Variants in GRAMD1A observed in about 807,000 individuals in gnomAD.
GRAMD1A encodes the protein GRAM domain containing 1A.
A neutral mutation model predicts 92.0 loss-of-function variants in GRAMD1A; 50 were observed. The observed-to-expected ratio is 0.54, with a 90% CI of 0.43 to 0.69. The LOEUF is 0.69. Ranked by LOEUF, GRAMD1A falls within the 30% of genes least tolerant of loss-of-function variation. The pLI is 0.00. For missense variants in GRAMD1A, 819 were observed against 978.9 expected, an observed-to-expected ratio of 0.84 and a Z score of 2.18; for synonymous variants, 405 against 403.6, an observed-to-expected ratio of 1.00 and a Z score of -0.04.
At chr19:35,009,064 C>T (rs758490576) in intron 1 of GRAMD1A, 55 bp from the exon 2 acceptor site, 30 of 1,236,252 alleles carry the variant, frequency 2.4e-5, no homozygotes, top group African/African-American at 1.3e-4. Context: ...GGCCTGTCCC[C>T]GAATCCCAGC....
At position 35,021,734 on chromosome 19, in the gene GRAMD1A, C is replaced by T. The variant is rs767135726; in HGVS notation, c.1623C>T (p.Gly541=). 35 of 1,613,780 alleles carry T rather than the reference C, an allele frequency of 2.2e-5. No individual in the cohort carries two copies. Among genetic ancestry groups the T allele is most frequent in the Middle Eastern group, 1.6e-4 (1 of 6,084 alleles). The stretch of plus-strand genomic sequence containing the variant: ...CTGAGAAGCTGTCTCTGGAGGAAGG[C>T]GGGAAGGATGCCCGGGGCTTGCTAT... ...AKAEKLSLEE[G]GKDARGLLSG... is the part of the protein sequence containing the mutation. Residue 541 remains glycine (G), a synonymous_variant, in exon 15 of 20, where the codon GGC becomes GGT. Coordinates refer to ENST00000317991, the MANE Select transcript of GRAMD1A (RefSeq NM_020895.5). This position sits in a 1 kb window ranked among gnomAD's most constrained non-coding sequence, Gnocchi z 5.3.
chr19:35,007,507 G>A (rs1056313302), intron 1 of GRAMD1A, among the ~76,000 whole-genome samples: 8 of 152,120 alleles, frequency 5.3e-5, no homozygotes, highest in Admixed American at 1.3e-4. Context: ...GCAGTGAGTC[G>A]AGATCATGCC....
Position 35,019,499 on chromosome 19 carries a change from A to C in GRAMD1A, c.1441A>C (p.Ile481Leu). Residue 481 changes from isoleucine (I) to leucine (L), a missense_variant, in exon 13 of 20, where the codon ATC (isoleucine) becomes CTC (leucine). Coordinates refer to ENST00000317991, the MANE Select transcript of GRAMD1A (RefSeq NM_020895.5). ...CTTCTACACTGCCCACCGCTACTGC[A>C]TCCTGGGTCTGGCCCGGAACAAGGC... is the stretch of plus-strand genomic sequence containing the variant. ...DYFYTAHRYC[I>L]LGLARNKARL... 2 of 1,614,056 alleles carry C rather than the reference A, an allele frequency of 1.2e-6. No homozygotes were observed. The highest frequency in any genetic ancestry group is 1.1e-5 in the South Asian group (1 of 91,084).
intron 19 of GRAMD1A, among the ~76,000 whole-genome samples, chr19:35,024,118 A>G (rs11878245): frequency 0.041 from 6,226 of 152,264 alleles, 374 homozygotes; most frequent in African/African-American, 0.13. Context: ...TTCAGGGACA[A>G]TGTCTACTCA....
intron 11 of GRAMD1A, 33 bp from the exon 12 acceptor site, chr19:35,019,158 G>T: frequency 7.0e-7 from 1 of 1,422,414 alleles, no homozygotes; most frequent in Non-Finnish European, 9.9e-7. Flanking sequence ...GGACTGGGGT[G>T]TGGCCTCCTC....
chr19:35,010,720 T>C (rs1337146131), intron 6 of GRAMD1A: 4 of 534,122 alleles, frequency 7.5e-6, no homozygotes, highest in African/African-American at 3.8e-5. Flanking sequence ...GGTTGCAAGA[T>C]GGCTTTCTCA....
upstream of GRAMD1A, chr19:35,000,087 C>G: frequency 1.0e-6 from 1 of 988,170 alleles, no homozygotes; most frequent in Non-Finnish European, 1.2e-6. The surrounding 1 kb of genome is among the most constrained non-coding windows in gnomAD (Gnocchi z 4.9). Flanking sequence ...TGCGGGCAGG[C>G]AGCTGCCTCC....
intron 1 of GRAMD1A, among the ~76,000 whole-genome samples, chr19:35,003,813 C>T (rs1415315833): frequency 3.4e-4 from 52 of 152,260 alleles, no homozygotes; most frequent in Admixed American, 3.4e-3. Flanking sequence ...CTGCCAGGCT[C>T]AGTCCTGTCC....
At chr19:35,009,618 C>G (rs978122106) in intron 3 of GRAMD1A, 175 bp downstream of exon 3, 2 of 702,344 alleles carry the variant, frequency 2.8e-6, no homozygotes, top group Admixed American at 2.3e-5. Context: ...TACTTAACCT[C>G]TCTGGGCCTC....
In GRAMD1A at chr19:35,015,804, C is replaced by T. The variant is rs115272678; in HGVS notation, c.1070-20C>T. 2,939 of 1,609,748 alleles carry T rather than the reference C, an allele frequency of 1.8e-3. 41 individuals carry two copies. In the African/African-American group the frequency reaches 0.032, roughly 17 times the overall value. On this transcript the variant is annotated intron_variant, in intron 10 of 19. Transcript: ENST00000317991. ...GAGGAGTGGAGGCAGTCATCATCCT[C>T]GGCTCTCCTCTGTCTCCAGCGGACT...
Position 35,014,385 on chromosome 19 carries a change from A to C in GRAMD1A, c.1067A>C (p.Glu356Ala). Reference protein sequence around the residue: ...TSNSSSSTGEEADLAALLPDL... With the variant: ...TSNSSSSTGEAADLAALLPDL... Reference sequence around the variant, plus strand: ...AACTCCTCTTCATCCACTGGGGAGGAAGGTGAGGCAGGCGGGCCCAATTCA... The same window carrying C: ...AACTCCTCTTCATCCACTGGGGAGGCAGGTGAGGCAGGCGGGCCCAATTCA... The change falls in exon 10 of 20, where the codon GAA (glutamate) becomes GCA (alanine). Residue 356 changes from glutamate to alanine, a missense_variant and splice_region_variant. Glu to Ala is a moderately radical substitution (Grantham distance 107). Around this residue, in one of 3 missense-constraint regions of GRAMD1A, gnomAD observed 577 missense variants for 674.6 expected, o/e 0.86. Transcript: ENST00000317991. The C allele has an allele frequency of 6.2e-7, 1 of 1,613,704 alleles. No homozygotes were observed. The highest frequency in any genetic ancestry group is 8.5e-7 in the Non-Finnish European group (1 of 1,179,696).
chr19:35,016,504 G>A (rs2015638906), intron 11 of GRAMD1A, among the ~76,000 whole-genome samples: 2 of 150,962 alleles, frequency 1.3e-5, no homozygotes, highest in African/African-American at 4.9e-5. Context: ...GGCTGAAGTG[G>A]GAGAATTGCT....
Position 35,022,011 on chromosome 19 carries a change from C to G in GRAMD1A, c.1814C>G (p.Pro605Arg). 1 of 1,613,820 alleles carries G rather than the reference C, an allele frequency of 6.2e-7. No individual in the cohort carries two copies. Among genetic ancestry groups the G allele is most frequent in the South Asian group, 1.1e-5 (1 of 91,016 alleles). Residue 605 changes from proline to arginine, a missense_variant, in exon 16 of 20, where the codon CCC (proline) becomes CGC (arginine). Coordinates refer to ENST00000317991, the MANE Select transcript of GRAMD1A (RefSeq NM_020895.5). ...SVDQGPGAGI[P>R]SALVLISIVI... ...GACCAGGGCCCCGGGGCAGGCATCC[C>G]CAGTGCCCTGGTTCTCATCAGCATT...
At chr19:34,998,809 G>A (rs182530896), upstream of GRAMD1A, among the ~76,000 whole-genome samples, 5 of 151,196 alleles carry the variant, frequency 3.3e-5, no homozygotes, top group Admixed American at 1.3e-4. Flanking sequence ...ACGGCGATAG[G>A]GGGGGTGCTG....
intron 17 of GRAMD1A, among the ~76,000 whole-genome samples, 157 bp downstream of exon 17, chr19:35,023,068 A>T (rs752862857): frequency 2.0e-5 from 3 of 151,916 alleles, no homozygotes; most frequent in Non-Finnish European, 2.9e-5. Context: ...TTGAACACTG[A>T]CTTCCCTGCT....
upstream of GRAMD1A, chr19:35,000,004 G>A (rs960544721): frequency 3.0e-6 from 3 of 984,828 alleles, no homozygotes; most frequent in Non-Finnish European, 3.6e-6. The surrounding 1 kb of genome is among the most constrained non-coding windows in gnomAD (Gnocchi z 4.9). Flanking sequence ...GGGAGGTCCA[G>A]GAGCTTCTGG....
At position 35,010,217 on chromosome 19, in the gene GRAMD1A, G is replaced by T. The variant is rs751160017; in HGVS notation, c.429+22G>T. ...CACGGTGAGCCCGCAGCGGGGCAGG[G>T]TACAGGGGCGGGGGCCCCCATGGCC... On this transcript the variant is annotated intron_variant, in intron 5 of 19. Transcript: ENST00000317991. 4 of 1,599,282 alleles carry T rather than the reference G, an allele frequency of 2.5e-6. No homozygotes were observed. The African/African-American group carries it at 4.0e-5, about 16-fold the overall frequency.
upstream of GRAMD1A, chr19:34,996,288 A>G (rs2014034519): frequency 7.2e-6 from 11 of 1,524,994 alleles, no homozygotes; most frequent in Middle Eastern, 1.7e-4. Flanking sequence ...CTGTCCCAGG[A>G]CAGGTCAGAC....
At position 35,026,380 on chromosome 19, in the gene GRAMD1A, G is replaced by A. The variant is rs772567605; in HGVS notation, c.*239G>A. 48 of 570,960 alleles carry A rather than the reference G, an allele frequency of 8.4e-5. No homozygotes were observed. Among genetic ancestry groups the A allele is most frequent in the South Asian group, 2.2e-4 (10 of 45,126 alleles). The allele number at this position is 570,960 out of a possible 1,614,324, so 35.4% of individuals were successfully genotyped here. ...TTGCCCGGCTGAGGTTGTGGGGGGC[G>A]CCTCCTGGGGTGCACGATTCCCTCA... On this transcript the variant is annotated 3_prime_UTR_variant, in exon 20 of 20. Transcript: ENST00000317991.
Sources: allele counts gnomAD v4.1 joint callset (sites outside exome capture counted in the v4.1 genomes callset), GRCh38; gene constraint gnomAD v4.1.1; regional missense constraint gnomAD v4.1.1; non-coding constraint Gnocchi (gnomAD v3.1); transcripts MANE v1.5; gene names NCBI Gene and HGNC (gene_info 2026-07-23, HGNC 2026-07-21).